MGAT4C: variants seen among roughly 807,000 people sequenced by gnomAD.
The protein encoded by MGAT4C is alpha-1,3-mannosyl-glycoprotein 4-beta-N-acetylglucosaminyltransferase C.
MGAT4C carries 19 observed loss-of-function variants against 40.1 expected under a neutral mutation model. That is an observed-to-expected ratio of 0.47 (90% CI 0.33 to 0.70). MGAT4C has a LOEUF of 0.70. Ranked by LOEUF, MGAT4C falls within the 30% of genes least tolerant of loss-of-function variation. The pLI is 0.02. For synonymous variants in MGAT4C, 181 were observed against 187.1 expected, an observed-to-expected ratio of 0.97 and a Z score of 0.27; for missense variants, 491 against 563.2, an observed-to-expected ratio of 0.87 and a Z score of 1.30.
At chr12:86,820,191 C>T (rs1001959858) in intron 1 of MGAT4C, among the ~76,000 whole-genome samples, 1 of 150,642 alleles carries the variant, frequency 6.6e-6, no homozygotes, top group Non-Finnish European at 1.5e-5. Context: ...TGTATTTTTT[C>T]TACCTTTATT....
chr12:86,139,303 G>A (rs183325677), intron 1 of MGAT4C, among the ~76,000 whole-genome samples: 57 of 152,058 alleles, frequency 3.7e-4, no homozygotes, highest in African/African-American at 1.3e-3. Flanking sequence ...GACCATTTTT[G>A]TGACTTTTAG....
At chr12:86,267,092 C>CT (rs1164730968) in intron 4 of MGAT4C, among the ~76,000 whole-genome samples, 1 of 150,554 alleles carries the variant, frequency 6.6e-6, no homozygotes, top group Non-Finnish European at 1.5e-5. Flanking sequence ...TTTTTTTGGT[C>CT]TTTTTTCATT....
chr12:86,519,522 C>T (rs557558747), intron 2 of MGAT4C, among the ~76,000 whole-genome samples: 1 of 152,182 alleles, frequency 6.6e-6, no homozygotes, highest in African/African-American at 2.4e-5. Flanking sequence ...TCCTACCAAC[C>T]GTGTATGAGG....
upstream of MGAT4C, among the ~76,000 whole-genome samples, chr12:86,258,085 T>C (rs1044202071): frequency 1.9e-4 from 29 of 152,128 alleles, no homozygotes; most frequent in African/African-American, 6.8e-4. Context: ...CATGGAAGAT[T>C]TAAAATTTAG....
intron 3 of MGAT4C, among the ~76,000 whole-genome samples, chr12:86,359,250 G>T (rs1248955384): frequency 6.6e-6 from 1 of 152,012 alleles, no homozygotes; most frequent in Non-Finnish European, 1.5e-5. Flanking sequence ...TGAAATGAAG[G>T]CAGATATAAA....
At chr12:86,610,265 A>C (rs766524317) in intron 2 of MGAT4C, among the ~76,000 whole-genome samples, 3 of 152,158 alleles carry the variant, frequency 2.0e-5, no homozygotes, top group Non-Finnish European at 4.4e-5. Context: ...AATGCTGAAG[A>C]GTTCTTGAAC....
intron 2 of MGAT4C, among the ~76,000 whole-genome samples, chr12:86,029,844 T>C (rs923869927): frequency 1.6e-4 from 24 of 151,834 alleles, no homozygotes; most frequent in Non-Finnish European, 1.5e-5. Flanking sequence ...TGTGAAAGTA[T>C]AATTATTACA....
At chr12:86,143,266 G>A (rs923216008) in intron 1 of MGAT4C, among the ~76,000 whole-genome samples, 1 of 152,174 alleles carries the variant, frequency 6.6e-6, no homozygotes, top group African/African-American at 2.4e-5. Flanking sequence ...AGTTGTCTTA[G>A]TTTCAGAATC....
intron 2 of MGAT4C, among the ~76,000 whole-genome samples, chr12:86,513,280 T>C (rs1347510383): frequency 6.6e-6 from 1 of 152,172 alleles, no homozygotes; most frequent in Non-Finnish European, 1.5e-5. Flanking sequence ...AACAAATAGT[T>C]ACTATCCATT....
chr12:86,460,291 G>A (rs1305270624), intron 2 of MGAT4C, among the ~76,000 whole-genome samples: 2 of 152,326 alleles, frequency 1.3e-5, no homozygotes, highest in African/African-American at 4.8e-5. Context: ...AGAAGTCACA[G>A]CAGATGATTA....
chr12:86,005,101 C>T (rs909347204), intron 2 of MGAT4C, among the ~76,000 whole-genome samples: 1 of 152,154 alleles, frequency 6.6e-6, no homozygotes, highest in Admixed American at 6.6e-5. Flanking sequence ...CCCCAGTCAC[C>T]AGCCTGAAGA....
intron 1 of MGAT4C, among the ~76,000 whole-genome samples, chr12:86,139,662 A>G (rs1392750874): frequency 6.6e-6 from 1 of 152,094 alleles, no homozygotes; most frequent in Non-Finnish European, 1.5e-5. Context: ...ATAAAAAGGC[A>G]TTTCAATGAA....
intron 3 of MGAT4C, among the ~76,000 whole-genome samples, chr12:86,341,783 T>A (rs914575683): frequency 4.6e-5 from 7 of 152,132 alleles, no homozygotes; most frequent in Non-Finnish European, 1.0e-4. Context: ...AGGCACTCAA[T>A]CCTGGGCAGG....
chr12:86,363,310 T>G (rs1955523806), intron 3 of MGAT4C, among the ~76,000 whole-genome samples: 1 of 151,976 alleles, frequency 6.6e-6, no homozygotes, highest in Non-Finnish European at 1.5e-5. Context: ...TAATAGAAAA[T>G]TGTCTATAAA....
chr12:86,155,903 A>G, intron 1 of MGAT4C, among the ~76,000 whole-genome samples: 1 of 152,114 alleles, frequency 6.6e-6, no homozygotes, highest in Non-Finnish European at 1.5e-5. Flanking sequence ...CTCTGTAGGG[A>G]TGGAGGCTAA....
At chr12:86,580,358 G>C (rs1960731367) in intron 2 of MGAT4C, among the ~76,000 whole-genome samples, 1 of 151,340 alleles carries the variant, frequency 6.6e-6, no homozygotes, top group Admixed American at 6.6e-5. Context: ...GCTTGACAGG[G>C]ATAAGAATTT....
At chr12:86,203,975 A>AATATATATAT (rs56952745) in intron 1 of MGAT4C, among the ~76,000 whole-genome samples, 31 of 137,094 alleles carry the variant, frequency 2.3e-4, no homozygotes, top group South Asian at 4.5e-4. Flanking sequence ...AAAAAAAAGA[A>AATATATATAT]ATATATATAT....
At chr12:86,229,379 T>G (rs1323512083) in intron 1 of MGAT4C, among the ~76,000 whole-genome samples, 2 of 151,958 alleles carry the variant, frequency 1.3e-5, no homozygotes. Flanking sequence ...AAACTGTAGT[T>G]GTGTGTCTAC....
chr12:86,471,599 G>T (rs1318344065), intron 2 of MGAT4C, among the ~76,000 whole-genome samples: 2 of 152,140 alleles, frequency 1.3e-5, no homozygotes, highest in Non-Finnish European at 1.5e-5. Context: ...TATACTATTT[G>T]AAGTACTAGC....
Sources: allele counts gnomAD v4.1 joint callset (sites outside exome capture counted in the v4.1 genomes callset), GRCh38; gene constraint gnomAD v4.1.1; transcripts MANE v1.5; gene names NCBI Gene and HGNC (gene_info 2026-07-23, HGNC 2026-07-21).